The following SLC19A1 variants were observed in gnomAD, a reference collection of about 807,000 sequenced individuals.
SLC19A1 encodes solute carrier family 19 member 1, also known as reduced folate transporter.
In SLC19A1, 37 loss-of-function variants were observed where a neutral mutation model predicts 35.3. That is an observed-to-expected ratio of 1.05 (90% CI 0.81 to 1.38). The LOEUF is 1.38. SLC19A1 is among the 40% of genes most tolerant of loss of function. SLC19A1 has a pLI of 0.00. For synonymous variants in SLC19A1, 460 were observed against 398.5 expected (o/e 1.15, Z -1.84); for missense variants, 831 against 826.9 (o/e 1.00, Z -0.06).
upstream of SLC19A1, among the ~76,000 whole-genome samples, chr21:45,546,325 G>A (rs995790081): frequency 6.6e-6 from 1 of 152,270 alleles, no homozygotes; most frequent in African/African-American, 2.4e-5. Flanking sequence ...CCAAGTGAGC[G>A]CAGGTCCCTC....
chr21:45,511,020 C>CACG (rs2037565496), downstream of SLC19A1: 1 of 66,496 alleles, frequency 1.5e-5, no homozygotes, highest in Admixed American at 1.9e-4. Context: ...CCCACACATC[C>CACG]ACACCCCACA....
chr21:45,512,328 G>C (rs771471847), downstream of SLC19A1: 1 of 1,612,622 alleles, frequency 6.2e-7, no homozygotes, highest in East Asian at 2.2e-5. Context: ...CTGGGGCAGA[G>C]TGCCGCGAGC....
Position 45,556,209 on chromosome 21 carries a change from C to T in SLC19A1, c.-50+6533G>A, listed in dbSNP as rs142336880. On this transcript the variant is annotated intron_variant, in intron 1 of 5. Coordinates refer to the SLC19A1 transcript ENST00000650808. ...ACCCCGGGGATGACCAGCAGAGGTC[C>T]TCACGGCCTGCGGCCCGGGGAGACC... Among the ~76,000 whole-genome samples, 468 of 152,364 alleles carry T rather than the reference C, an allele frequency of 3.1e-3. 1 individual carries two copies. The highest frequency in any genetic ancestry group is 0.011 in the African/African-American group (451 of 41,592).
chr21:45,542,971 C>T (rs2078358657), upstream of SLC19A1, among the ~76,000 whole-genome samples: 1 of 151,980 alleles, frequency 6.6e-6, no homozygotes, highest in South Asian at 2.1e-4. Context: ...ACACGCACAG[C>T]CTGCTCTTGG....
chr21:45,508,773 G>T (rs1011077131), downstream of SLC19A1, among the ~76,000 whole-genome samples: 26 of 152,294 alleles, frequency 1.7e-4, no homozygotes, highest in African/African-American at 6.0e-4. Flanking sequence ...TGTGTGCCGG[G>T]TGGCCATGGA....
chr21:45,562,866 G>A (rs549847226), exon 1 of SLC19A1, among the ~76,000 whole-genome samples: 1 of 152,322 alleles, frequency 6.6e-6, no homozygotes, highest in East Asian at 1.9e-4. Flanking sequence ...CAGTGTCTAG[G>A]TGTGAATGGA....
intron 3 of SLC19A1, chr21:45,505,058 T>A (rs2146079862): frequency 6.4e-6 from 10 of 1,554,740 alleles, no homozygotes; most frequent in Non-Finnish European, 8.7e-6. Flanking sequence ...TCTTGGCAGC[T>A]GCAGCCCCAC....
At chr21:45,549,278 G>GGGAGGGAGGCTCCGTCCTGGAA (rs2078442134), upstream of SLC19A1, among the ~76,000 whole-genome samples, 2 of 152,162 alleles carry the variant, frequency 1.3e-5, no homozygotes, top group East Asian at 3.9e-4. Flanking sequence ...CCATCTGTAG[G>GGGAGGGAGGCTCCGTCCTGGAA]GGAGGGAGGC....
chr21:45,527,424 G>T (rs1270811386), intron 4 of SLC19A1, among the ~76,000 whole-genome samples: 2 of 146,656 alleles, frequency 1.4e-5, no homozygotes, highest in Non-Finnish European at 3.0e-5. Flanking sequence ...GTGGCAGCGG[G>T]CAGGGTGGGC....
downstream of SLC19A1, chr21:45,510,380 G>A (rs1473546944): frequency 8.3e-7 from 1 of 1,201,062 alleles, no homozygotes; most frequent in Non-Finnish European, 1.2e-6. Context: ...ACAGACACTG[G>A]CGCCTAGGCT....
chr21:45,510,318 G>A, downstream of SLC19A1: 1 of 1,530,300 alleles, frequency 6.5e-7, no homozygotes, highest in South Asian at 1.2e-5. Flanking sequence ...GACCTCTGGG[G>A]TGAACTCCCA....
chr21:45,512,863 A>C lies in SLC19A1; in HGVS notation c.*2795T>G. 3.9e-6 allele frequency: 1 copy of C among 258,058 alleles called. No individual in the cohort carries two copies. The highest frequency in any genetic ancestry group is 7.6e-6 in the Non-Finnish European group (1 of 131,056). The allele number at this position is 258,058 out of a possible 1,614,324, so 16.0% of individuals were successfully genotyped here. ...TGGGAGCTGAGGCCACACTCAGCAC[A>C]AGGCCATCTGGGCTCCTCCAGGGTG... On this transcript the variant is annotated 3_prime_UTR_variant, in exon 6 of 6. Coordinates refer to ENST00000311124, the MANE Select transcript of SLC19A1 (RefSeq NM_194255.4).
chr21:45,560,803 C>T (rs1408424456), intron 1 of SLC19A1, among the ~76,000 whole-genome samples: 1 of 152,212 alleles, frequency 6.6e-6, no homozygotes, highest in Non-Finnish European at 1.5e-5. Context: ...AGAGCAGCAC[C>T]CAGGCTTGGA....
chr21:45,539,370 T>C (rs1274988238), intron 1 of SLC19A1, among the ~76,000 whole-genome samples: 1 of 151,544 alleles, frequency 6.6e-6, no homozygotes, highest in Non-Finnish European at 1.5e-5. Context: ...TGGGGCGGGG[T>C]CGCCGTCCCA....
chr21:45,525,155 C>T (rs1360144457), intron 5 of SLC19A1, among the ~76,000 whole-genome samples: 1 of 152,230 alleles, frequency 6.6e-6, no homozygotes, highest in African/African-American at 2.4e-5. Flanking sequence ...CTAACCCTGA[C>T]AGTCCTCCTG....
Position 45,534,851 on chromosome 21 carries a change from G to A in SLC19A1, c.190-2703C>T, listed in dbSNP as rs774328086. 83 of 562,828 alleles carry A rather than the reference G, an allele frequency of 1.5e-4. 1 individual carries two copies. In the East Asian group the frequency reaches 1.6e-3, roughly 11 times the overall value. 34.9% of individuals were successfully genotyped at this position (562,828 alleles called of 1,614,324 possible). On this transcript the variant is annotated intron_variant, in intron 2 of 5. Transcript: ENST00000311124. This position sits in a 1 kb window ranked among gnomAD's most constrained non-coding sequence, Gnocchi z 4.2. ...GAGGTGGCATCTGTCAGGCGGCCAC[G>A]ACTCTGACACGAGGACAGCCTCCTG...
chr21:45,509,751 G>C, downstream of SLC19A1: 1 of 701,496 alleles, frequency 1.4e-6, no homozygotes, highest in Non-Finnish European at 2.6e-6. Context: ...GGGCGGCTTG[G>C]CTGGCCCTGG....
At chr21:45,537,476 C>A (rs1050354068) in intron 2 of SLC19A1, among the ~76,000 whole-genome samples, 28 of 150,400 alleles carry the variant, frequency 1.9e-4, no homozygotes, top group Non-Finnish European at 3.2e-4. Context: ...CGCCCACCCA[C>A]AGGCGGCCGC....
downstream of SLC19A1, among the ~76,000 whole-genome samples, chr21:45,509,838 C>T (rs369560940): frequency 1.3e-5 from 2 of 152,210 alleles, no homozygotes; most frequent in Non-Finnish European, 2.9e-5. Context: ...GGCGTACCTC[C>T]GCCTACAGCG....
Sources: allele counts gnomAD v4.1 joint callset (sites outside exome capture counted in the v4.1 genomes callset), GRCh38; gene constraint gnomAD v4.1.1; non-coding constraint Gnocchi (gnomAD v3.1); transcripts MANE v1.5; gene names NCBI Gene and HGNC (gene_info 2026-07-23, HGNC 2026-07-21).